Variants in WWC1 observed in about 807,000 individuals in gnomAD.
WWC1 encodes the protein WW and C2 domain containing 1, also known as protein KIBRA.
WWC1 carries 55 observed loss-of-function variants against 138.4 expected under a neutral mutation model. The observed-to-expected ratio is 0.40, with a 90% CI of 0.32 to 0.50. The LOEUF is 0.50. WWC1 is among the 20% of genes least tolerant of loss of function. The pLI is 0.72. For missense variants in WWC1, 1,226 were observed against 1,420.4 expected (o/e 0.86, Z 2.20); for synonymous variants, 524 against 564.9 (o/e 0.93, Z 1.03).
At chr5:168,353,430 G>A (rs57509071) in intron 1 of WWC1, among the ~76,000 whole-genome samples, 2,162 of 152,346 alleles carry the variant, frequency 0.014, 51 homozygotes, top group African/African-American at 0.048. Flanking sequence ...GCAAACACGC[G>A]ACAGCCCTGC....
At chr5:168,295,483 C>CATGT (rs143036340) in intron 1 of WWC1, among the ~76,000 whole-genome samples, 3 of 142,484 alleles carry the variant, frequency 2.1e-5, no homozygotes, top group Admixed American at 7.0e-5. Flanking sequence ...ATTTCTACTC[C>CATGT]GTGTGTGTGT....
At chr5:168,462,856 A>C (rs768558943) in intron 20 of WWC1, among the ~76,000 whole-genome samples, 2 of 152,260 alleles carry the variant, frequency 1.3e-5, no homozygotes, top group Non-Finnish European at 2.9e-5. Flanking sequence ...GGACAGACGA[A>C]GCAAAAGAAT....
At chr5:168,388,324 A>G (rs1344098449) in intron 3 of WWC1, among the ~76,000 whole-genome samples, 1 of 152,146 alleles carries the variant, frequency 6.6e-6, no homozygotes, top group Non-Finnish European at 1.5e-5. Flanking sequence ...CACACCACCA[A>G]ATGAAATGTT....
At chr5:168,360,552 A>G (rs902082468) in intron 1 of WWC1, among the ~76,000 whole-genome samples, 1 of 152,208 alleles carries the variant, frequency 6.6e-6, no homozygotes, top group Admixed American at 6.5e-5. Flanking sequence ...TTGGCCAGGT[A>G]TTAGACTAAA....
Position 168,431,455 on chromosome 5 carries a change from T to C in WWC1, c.2280+11T>C, listed in dbSNP as rs1410820551. 1.3e-6 allele frequency: 2 copies of C among 1,534,346 alleles called. No homozygotes were observed. The highest frequency in any genetic ancestry group is 1.7e-6 in the Non-Finnish European group (2 of 1,153,364). Reference sequence around the variant, plus strand: ...CTGGAAGAGTGCCTGGTAAGGGCCGTGTCTGGCTGGCTGGCTGGCTGGCTG... The same window carrying C: ...CTGGAAGAGTGCCTGGTAAGGGCCGCGTCTGGCTGGCTGGCTGGCTGGCTG... On this transcript the variant is annotated intron_variant, in intron 15 of 22. Coordinates refer to ENST00000265293, the MANE Select transcript of WWC1 (RefSeq NM_015238.3).
chr5:168,438,715 C>T lies in WWC1; in HGVS notation c.2281-2967C>T, dbSNP rs542024923. Among the ~76,000 whole-genome samples, 3 of 151,858 alleles carry T rather than the reference C, an allele frequency of 2.0e-5. No homozygotes were observed. In the East Asian group the frequency reaches 5.9e-4, roughly 30 times the overall value. On this transcript the variant is annotated intron_variant, in intron 15 of 22. Transcript: ENST00000265293. The stretch of plus-strand genomic sequence containing the variant: ...CACCTTCCCAAACCTGACCAGGGCT[C>T]ATTTTTGCACATGTCGAAACAATAA...
Position 168,431,479 on chromosome 5 carries a change from TGGCTGGC to T in WWC1, c.2280+36_2280+42del, listed in dbSNP as rs766420591. ...GTGTCTGGCTGGCTGGCTGGCTGGC[TGGCTGGC>T]TGGCTGGCTGGCTGGCTGACCGGCC... On this transcript the variant is annotated intron_variant, in intron 15 of 22. Coordinates refer to ENST00000265293, the MANE Select transcript of WWC1 (RefSeq NM_015238.3). The T allele has an allele frequency of 1.7e-5, 26 of 1,533,478 alleles. No individual in the cohort carries two copies. In the African/African-American group the frequency reaches 3.2e-4, roughly 19 times the overall value. The allele number at this position is 1,533,478 out of a possible 1,614,324, so 95.0% of individuals were successfully genotyped here.
intron 9 of WWC1, among the ~76,000 whole-genome samples, chr5:168,420,151 G>A (rs932139269): frequency 2.6e-5 from 4 of 152,168 alleles, no homozygotes; most frequent in South Asian, 2.1e-4. Flanking sequence ...AAGATGGTGC[G>A]TGAGTCTACT....
intron 5 of WWC1, among the ~76,000 whole-genome samples, chr5:168,401,485 A>G (rs1232807442): frequency 2.0e-5 from 3 of 152,094 alleles, no homozygotes; most frequent in South Asian, 4.1e-4. Context: ...TTGGCTGTCT[A>G]TCTCCAAGCC....
In WWC1 at chr5:168,291,902, C is replaced by A; in HGVS notation, c.-251C>A. The A allele has an allele frequency of 5.5e-6, 1 of 180,782 alleles. No homozygotes were observed. The highest frequency in any genetic ancestry group is 1.8e-4 in the South Asian group (1 of 5,658). 11.2% of individuals were successfully genotyped at this position (180,782 alleles called of 1,614,324 possible). A position where few individuals can be genotyped will look rare whatever the true frequency, so the allele number is the denominator to read the frequency against. Reference sequence around the variant, plus strand: ...GCGCGCACCCGGGCTCGCACCGCGCCGCTGCGGACGCACATGGCAGCGTGA... The same window carrying A: ...GCGCGCACCCGGGCTCGCACCGCGCAGCTGCGGACGCACATGGCAGCGTGA... On this transcript the variant is annotated 5_prime_UTR_variant, in exon 1 of 23. Coordinates refer to ENST00000265293, the MANE Select transcript of WWC1 (RefSeq NM_015238.3).
At chr5:168,298,116 G>A (rs748451377) in intron 1 of WWC1, among the ~76,000 whole-genome samples, 1 of 152,014 alleles carries the variant, frequency 6.6e-6, no homozygotes, top group Non-Finnish European at 1.5e-5. Context: ...TCAGCTCATT[G>A]CAACCTCTAC....
At chr5:168,298,405 C>T (rs1411874843) in intron 1 of WWC1, among the ~76,000 whole-genome samples, 2 of 152,154 alleles carry the variant, frequency 1.3e-5, no homozygotes, top group African/African-American at 2.4e-5. Context: ...CCTCTTTATT[C>T]TCCATGCTGC....
At chr5:168,336,821 C>T (rs1773510423) in intron 1 of WWC1, among the ~76,000 whole-genome samples, 1 of 152,158 alleles carries the variant, frequency 6.6e-6, no homozygotes, top group Non-Finnish European at 1.5e-5. Flanking sequence ...GGAATCACTG[C>T]ACCTGTGGTC....
chr5:168,417,210 A>C (rs754554307), intron 9 of WWC1, among the ~76,000 whole-genome samples: 13 of 152,186 alleles, frequency 8.5e-5, no homozygotes, highest in Non-Finnish European at 1.6e-4. Flanking sequence ...TTTGATGTAC[A>C]TCATTTTGCT....
At chr5:168,429,949 T>A (rs573297753) in intron 13 of WWC1, among the ~76,000 whole-genome samples, 188 bp from the exon 14 acceptor site, 23 of 151,912 alleles carry the variant, frequency 1.5e-4, no homozygotes, top group East Asian at 3.9e-4. Context: ...AAAAAAAAAA[T>A]TTTCAAACAA....
chr5:168,364,793 G>A (rs1776161924), intron 1 of WWC1, among the ~76,000 whole-genome samples: 1 of 152,146 alleles, frequency 6.6e-6, no homozygotes, highest in South Asian at 2.1e-4. Flanking sequence ...CGCCAAAGCT[G>A]ACCTCCGCCT....
At chr5:168,342,865 C>T (rs1774155619) in intron 1 of WWC1, among the ~76,000 whole-genome samples, 1 of 152,142 alleles carries the variant, frequency 6.6e-6, no homozygotes, top group South Asian at 2.1e-4. Context: ...ACAGTGGGGG[C>T]CCCTCAAGCT....
intron 1 of WWC1, among the ~76,000 whole-genome samples, chr5:168,365,310 G>C (rs1196288058): frequency 6.6e-6 from 1 of 152,140 alleles, no homozygotes; most frequent in East Asian, 1.9e-4. Context: ...TTGGAGTCTG[G>C]AGGGCCCTTT....
intron 1 of WWC1, among the ~76,000 whole-genome samples, chr5:168,337,737 G>GT (rs145689885): frequency 0.017 from 2,519 of 152,312 alleles, 82 homozygotes; most frequent in African/African-American, 0.057. Context: ...GCCAATTGTT[G>GT]TAAGTTCCAT....
Sources: gnomAD v4.1 joint callset for allele counts (sites outside exome capture counted in the v4.1 genomes callset) on GRCh38, gnomAD v4.1.1 for gene constraint, MANE v1.5 for transcripts, NCBI Gene and HGNC (gene_info 2026-07-23, HGNC 2026-07-21) for gene names.